Variants in ACVR1 observed in about 807,000 individuals in gnomAD.
The protein encoded by ACVR1 is activin A receptor type 1.
Under a neutral mutation model 57.1 loss-of-function variants are expected in ACVR1, and 38 were observed. The observed-to-expected ratio is 0.67, with a 90% CI of 0.51 to 0.87. The LOEUF is 0.87. Among genes scored for constraint, ACVR1 ranks in the 40% least tolerant of loss-of-function variants. ACVR1 has a pLI of 0.00. For missense variants in ACVR1, 463 were observed against 638.2 expected, an observed-to-expected ratio of 0.73 and a Z score of 2.96; for synonymous variants, 212 against 228.1, an observed-to-expected ratio of 0.93 and a Z score of 0.63.
chr2:157,847,166 T>G (rs1319477412), intron 1 of ACVR1, among the ~76,000 whole-genome samples: 4 of 152,228 alleles, frequency 2.6e-5, no homozygotes, highest in Non-Finnish European at 5.9e-5. Context: ...GAACTTATTA[T>G]ACACATGCAT....
At chr2:157,751,127 C>T (rs1685176443) in intron 9 of ACVR1, among the ~76,000 whole-genome samples, 1 of 152,216 alleles carries the variant, frequency 6.6e-6, no homozygotes. Flanking sequence ...ACTCTGAGTG[C>T]CCAAACTGTG....
chr2:157,738,348 A>T, intron 10 of ACVR1, 92 bp downstream of exon 10: 1 of 1,569,622 alleles, frequency 6.4e-7, no homozygotes, highest in Admixed American at 1.7e-5. Flanking sequence ...CACGGGACAG[A>T]TCACTCAGAT....
At chr2:157,753,635 A>T (rs1401649068) in intron 9 of ACVR1, among the ~76,000 whole-genome samples, 1 of 152,220 alleles carries the variant, frequency 6.6e-6, no homozygotes, top group Non-Finnish European at 1.5e-5. Flanking sequence ...GACCTAAGAA[A>T]TGAGATAGAG....
At chr2:157,852,859 G>C (rs1689369632) in intron 1 of ACVR1, among the ~76,000 whole-genome samples, 1 of 152,162 alleles carries the variant, frequency 6.6e-6, no homozygotes, top group South Asian at 2.1e-4. Flanking sequence ...ACTAGGTACT[G>C]AGAGTTCAGC....
At chr2:157,843,105 C>T (rs1221970391) in intron 1 of ACVR1, among the ~76,000 whole-genome samples, 3 of 152,150 alleles carry the variant, frequency 2.0e-5, no homozygotes, top group African/African-American at 4.8e-5. Flanking sequence ...GGAAGTATAG[C>T]TTTACACAGC....
At chr2:157,809,718 C>G (rs1034939417) in intron 2 of ACVR1, among the ~76,000 whole-genome samples, 1 of 152,070 alleles carries the variant, frequency 6.6e-6, no homozygotes, top group East Asian at 1.9e-4. Flanking sequence ...ATAGGTGATG[C>G]GCCCAAGAAC....
chr2:157,859,049 C>G (rs540525745), intron 1 of ACVR1, among the ~76,000 whole-genome samples: 1 of 152,294 alleles, frequency 6.6e-6, no homozygotes, highest in East Asian at 1.9e-4. Context: ...GCATTTGAAT[C>G]AGAGCAACTC....
In ACVR1 at chr2:157,868,401, C is replaced by A. The variant is rs192181650; in HGVS notation, c.-183+7395G>T. Among the ~76,000 whole-genome samples the A allele has an allele frequency of 2.3e-3, 352 of 151,530 alleles. 2 individuals are homozygous for A. The highest frequency in any genetic ancestry group is 8.1e-3 in the African/African-American group (336 of 41,306). ...ACTCGGGAGGCTGAGGCAGGAGAATCGCTTCAACCCAAGGTGGAAGTTGCA... is the reference window on the plus strand; with the variant it reads ...ACTCGGGAGGCTGAGGCAGGAGAATAGCTTCAACCCAAGGTGGAAGTTGCA... On this transcript the variant is annotated intron_variant, in intron 1 of 10. Transcript: ENST00000434821.
At chr2:157,870,016 T>A (rs1690063763) in intron 1 of ACVR1, among the ~76,000 whole-genome samples, 1 of 152,194 alleles carries the variant, frequency 6.6e-6, no homozygotes, top group South Asian at 2.1e-4. Context: ...ATCAAGCACA[T>A]CTTACTTTCA....
At chr2:157,842,068 G>C (rs1688999636) in intron 1 of ACVR1, among the ~76,000 whole-genome samples, 2 of 149,778 alleles carry the variant, frequency 1.3e-5, no homozygotes, top group Admixed American at 1.3e-4. Context: ...CCAATCCCCT[G>C]AACTCAGGGA....
chr2:157,739,384 A>G (rs1684662247), intron 9 of ACVR1, among the ~76,000 whole-genome samples: 3 of 152,228 alleles, frequency 2.0e-5, no homozygotes, highest in South Asian at 4.1e-4. Context: ...ATGGCCTGGA[A>G]ACTTTTTCTT....
In ACVR1 at chr2:157,876,318, G is replaced by A. The variant is rs980200595; in HGVS notation, c.-705C>T. ...AGGGGGAGGCTGCGGCGGCGGCGGC[G>A]GCTGCAAAGAGCAGGAGCCGGAGCG... On this transcript the variant is annotated 5_prime_UTR_variant, in exon 1 of 11. Coordinates refer to ENST00000434821, the MANE Select transcript of ACVR1 (RefSeq NM_001111067.4). Among the ~76,000 whole-genome samples, 3 of 151,350 alleles carry A rather than the reference G, an allele frequency of 2.0e-5. No homozygotes were observed. Among genetic ancestry groups the A allele is most frequent in the African/African-American group, 7.3e-5 (3 of 41,264 alleles).
chr2:157,759,257 A>C (rs1052707963), intron 9 of ACVR1, among the ~76,000 whole-genome samples: 5 of 152,096 alleles, frequency 3.3e-5, no homozygotes, highest in African/African-American at 1.2e-4. Context: ...CTAACCAAGA[A>C]ACAAGGAGAG....
chr2:157,806,055 T>C (rs921903393), intron 2 of ACVR1, among the ~76,000 whole-genome samples: 1 of 152,026 alleles, frequency 6.6e-6, no homozygotes, highest in Admixed American at 6.6e-5. Flanking sequence ...CTCGAACTCC[T>C]GGGCTTAATC....
chr2:157,866,444 C>CGGGGG (rs568810076), intron 1 of ACVR1, among the ~76,000 whole-genome samples: 1 of 151,672 alleles, frequency 6.6e-6, no homozygotes, highest in East Asian at 1.9e-4. Flanking sequence ...CCAAGGGAGG[C>CGGGGG]GGGGGGGAAA....
At chr2:157,855,311 T>TAC (rs1393265072) in intron 1 of ACVR1, among the ~76,000 whole-genome samples, 2 of 43,640 alleles carry the variant, frequency 4.6e-5, no homozygotes, top group African/African-American at 1.2e-4. Context: ...TGTGTGTGTA[T>TAC]ATATATATAT....
intron 7 of ACVR1, among the ~76,000 whole-genome samples, chr2:157,766,846 A>G (rs559534412): frequency 5.6e-4 from 85 of 152,344 alleles, no homozygotes; most frequent in African/African-American, 2.0e-3. Flanking sequence ...AAACACTACA[A>G]TAAAATACGA....
intron 1 of ACVR1, among the ~76,000 whole-genome samples, chr2:157,865,435 G>C (rs964411756): frequency 5.9e-5 from 9 of 152,170 alleles, no homozygotes; most frequent in Admixed American, 2.6e-4. Context: ...CCTTGATTCA[G>C]CAATTCCAAT....
intron 9 of ACVR1, among the ~76,000 whole-genome samples, chr2:157,754,233 G>A (rs556624575): frequency 1.3e-5 from 2 of 151,996 alleles, no homozygotes; most frequent in Non-Finnish European, 2.9e-5. Context: ...AAACTCATAC[G>A]CAGCAGAAGA....
Sources: allele counts gnomAD v4.1 joint callset (sites outside exome capture counted in the v4.1 genomes callset), GRCh38; gene constraint gnomAD v4.1.1; transcripts MANE v1.5; gene names NCBI Gene and HGNC (gene_info 2026-07-23, HGNC 2026-07-21).